MRPS6: variants seen among roughly 807,000 people sequenced by gnomAD.
MRPS6 encodes mitochondrial ribosomal protein S6.
MRPS6 carries 6 observed loss-of-function variants against 13.1 expected under a neutral mutation model. The observed-to-expected ratio is 0.46, with a 90% CI of 0.25 to 0.91. The LOEUF (loss-of-function observed/expected upper bound fraction) is 0.91, where lower values mean the gene tolerates loss of function less well. Among genes scored for constraint, MRPS6 ranks in the 40% least tolerant of loss-of-function variants. MRPS6 has a pLI of 0.18. For synonymous variants in MRPS6, 61 were observed against 56.5 expected, an observed-to-expected ratio of 1.08 and a Z score of -0.36; for missense variants, 164 against 155.6, an observed-to-expected ratio of 1.05 and a Z score of -0.29.
At position 34,079,600 on chromosome 21, in the gene MRPS6, T is replaced by A. The variant is rs1215400752; in HGVS notation, c.45+5855T>A. 2.3e-4 allele frequency among the ~76,000 whole-genome samples: 27 copies of A among 115,400 alleles called. No individual in the cohort carries two copies. The East Asian group carries it at 6.4e-3, about 27-fold the overall frequency. The allele number at this position is 115,400 out of a possible 152,430, so 75.7% of individuals were successfully genotyped here. A position where few individuals can be genotyped will look rare whatever the true frequency, so the allele number is the denominator to read the frequency against. ...ACAGGCATGCGCCACCAGACCCAGC[T>A]AATTTTTTTTTTTTTTTTTTTTTTT... is the stretch of plus-strand genomic sequence containing the variant. On this transcript the variant is annotated intron_variant, in intron 1 of 2. Transcript: ENST00000399312.
Position 34,142,634 on chromosome 21 carries a change from T to A in MRPS6, c.*34T>A, listed in dbSNP as rs1393475854. On this transcript the variant is annotated 3_prime_UTR_variant, in exon 3 of 3. Coordinates refer to ENST00000399312, the MANE Select transcript of MRPS6 (RefSeq NM_032476.4). ...GCCAGATTTTAGCCTTATATGTAAT[T>A]CCTTCACATTTGGGCAGCATGGACG... The A allele has an allele frequency of 2.6e-6, 4 of 1,552,754 alleles. No individual in the cohort carries two copies. The highest frequency in any genetic ancestry group is 3.5e-6 in the Non-Finnish European group (4 of 1,153,168).
chr21:34,116,960 C>G (rs1448694404), intron 1 of MRPS6, among the ~76,000 whole-genome samples: 2 of 152,282 alleles, frequency 1.3e-5, no homozygotes, highest in African/African-American at 4.8e-5. Context: ...TCCCCTGGGG[C>G]TCTGCAGAAC....
chr21:34,142,011 A>G (rs1379044992), intron 2 of MRPS6, among the ~76,000 whole-genome samples: 4 of 152,246 alleles, frequency 2.6e-5, no homozygotes, highest in Non-Finnish European at 5.9e-5. Flanking sequence ...TTAGAAGAGT[A>G]TCTAATAGAT....
intron 1 of MRPS6, chr21:34,103,315 T>TAAA (rs11433558): frequency 6.7e-4 from 606 of 910,140 alleles, no homozygotes; most frequent in East Asian, 4.5e-3. Context: ...GTGAAGGAAG[T>TAAA]AAAAAAAAAA....
chr21:34,104,913 A>C, intron 1 of MRPS6: 1 of 1,000,210 alleles, frequency 1.0e-6, no homozygotes, highest in Middle Eastern at 5.2e-4. Flanking sequence ...CCTTTCATCT[A>C]TAATTTCATG....
At chr21:34,132,516 G>A (rs62212133) in intron 2 of MRPS6, among the ~76,000 whole-genome samples, 8,668 of 152,300 alleles carry the variant, frequency 0.057, 290 homozygotes, top group Middle Eastern at 0.13. Context: ...AGGGGTTTTG[G>A]TAGCAACAGG....
At position 34,096,770 on chromosome 21, in the gene MRPS6, C is replaced by G. The variant is rs745713093; in HGVS notation, c.45+23025C>G. ...CAGGATTGTTTTGGGTCACGGGACT[C>G]ATTACTGTAATTGTGAGCCTTCTCA... On this transcript the variant is annotated intron_variant, in intron 1 of 2. Coordinates refer to ENST00000399312, the MANE Select transcript of MRPS6 (RefSeq NM_032476.4). The surrounding 1 kb of genome is among the most constrained non-coding windows in gnomAD (Gnocchi z 5.9). 1 of 1,614,010 alleles carries G rather than the reference C, an allele frequency of 6.2e-7. No homozygotes were observed. The highest frequency in any genetic ancestry group is 8.5e-7 in the Non-Finnish European group (1 of 1,179,978).
At chr21:34,117,917 A>G (rs1979983218) in intron 1 of MRPS6, among the ~76,000 whole-genome samples, 1 of 152,298 alleles carries the variant, frequency 6.6e-6, no homozygotes, top group African/African-American at 2.4e-5. Context: ...TTATATAAAT[A>G]CCATATTCAC....
chr21:34,108,890 C>G (rs764176544), intron 1 of MRPS6, among the ~76,000 whole-genome samples: 2 of 152,148 alleles, frequency 1.3e-5, no homozygotes, highest in African/African-American at 4.8e-5. Flanking sequence ...TGGGTTCTTT[C>G]AGTATGGCAG....
At chr21:34,105,000 A>C in intron 1 of MRPS6, 1 of 1,000,100 alleles carries the variant, frequency 1.0e-6, no homozygotes, top group Non-Finnish European at 1.2e-6. Context: ...TTCTAATTTC[A>C]CTGTGAGATC....
chr21:34,112,334 A>G (rs554149910), intron 1 of MRPS6, among the ~76,000 whole-genome samples: 1 of 152,312 alleles, frequency 6.6e-6, no homozygotes, highest in African/African-American at 2.4e-5. Context: ...AGACTCCTAT[A>G]TAATTACACT....
rs370754545 is a variant in MRPS6 at position 34,142,612 on chromosome 21, A to C, written c.*12A>C. The stretch of plus-strand genomic sequence containing the variant: ...AGAGGAAGAAGTGAGAAGATTCGCC[A>C]GATTTTAGCCTTATATGTAATTCCT... On this transcript the variant is annotated 3_prime_UTR_variant, in exon 3 of 3. Transcript: ENST00000399312. 1.3e-6 allele frequency: 2 copies of C among 1,590,338 alleles called. No homozygotes were observed. Among genetic ancestry groups the C allele is most frequent in the African/African-American group, 2.7e-5 (2 of 74,042 alleles).
chr21:34,090,046 A>G (rs1316562564), intron 1 of MRPS6, among the ~76,000 whole-genome samples: 1 of 152,168 alleles, frequency 6.6e-6, no homozygotes, highest in South Asian at 2.1e-4. Context: ...TCCAGTGAGC[A>G]TTTCCTTTGA....
At chr21:34,089,496 C>T (rs767354790) in intron 1 of MRPS6, among the ~76,000 whole-genome samples, 1 of 152,026 alleles carries the variant, frequency 6.6e-6, no homozygotes, top group East Asian at 1.9e-4. Context: ...TAAAAAAATT[C>T]ATGATGAGCC....
At chr21:34,073,993 C>T (rs925152540) in intron 1 of MRPS6, among the ~76,000 whole-genome samples, 3 of 146,058 alleles carry the variant, frequency 2.1e-5, no homozygotes, top group African/African-American at 7.4e-5. Context: ...GGGTGTGCCT[C>T]GCAAGCGGCC....
At chr21:34,120,832 CATT>C (rs1057271387) in intron 1 of MRPS6, among the ~76,000 whole-genome samples, 1 of 152,120 alleles carries the variant, frequency 6.6e-6, no homozygotes, top group African/African-American at 2.4e-5. Flanking sequence ...AATGGGAAAA[CATT>C]AGTATTGTAA....
At chr21:34,081,014 A>G (rs954313511) in intron 1 of MRPS6, among the ~76,000 whole-genome samples, 1 of 152,196 alleles carries the variant, frequency 6.6e-6, no homozygotes. Context: ...AATGAGTGCA[A>G]ACCTTTGTTT....
intron 1 of MRPS6, among the ~76,000 whole-genome samples, chr21:34,084,674 TA>T (rs919897591): frequency 8.5e-5 from 13 of 152,184 alleles, no homozygotes; most frequent in Non-Finnish European, 1.9e-4. Context: ...ACTGAAGAAT[TA>T]AAACACAGAC....
intron 1 of MRPS6, among the ~76,000 whole-genome samples, chr21:34,111,733 A>C (rs1040856378): frequency 1.3e-5 from 2 of 152,098 alleles, no homozygotes; most frequent in African/African-American, 2.4e-5. Flanking sequence ...TTCCAAGTCT[A>C]ATTTGGGATC....
Sources: gnomAD v4.1 joint callset for allele counts (sites outside exome capture counted in the v4.1 genomes callset) on GRCh38, gnomAD v4.1.1 for gene constraint, Gnocchi (gnomAD v3.1) non-coding constraint, MANE v1.5 for transcripts, NCBI Gene and HGNC (gene_info 2026-07-23, HGNC 2026-07-21) for gene names.